Variants in TRIM44 observed in about 807,000 individuals in gnomAD.
TRIM44 encodes the protein tripartite motif-containing protein 44.
In TRIM44, 13 loss-of-function variants were observed where a neutral mutation model predicts 37.4. The ratio of observed to expected loss-of-function variants is 0.35; its 90% CI spans 0.23 to 0.55. The LOEUF is 0.55. Ranked by LOEUF, TRIM44 falls within the 20% of genes least tolerant of loss-of-function variation. The probability of loss-of-function intolerance (pLI) is 0.89; values close to 1 mark genes in which losing one functional copy is unlikely to be tolerated. For missense variants in TRIM44, 426 were observed against 437.2 expected (o/e 0.97, Z 0.23); for synonymous variants, 175 against 157.2 (o/e 1.11, Z -0.85).
At chr11:35,776,690 T>A (rs1400190939) in intron 4 of TRIM44, among the ~76,000 whole-genome samples, 1 of 152,228 alleles carries the variant, frequency 6.6e-6, no homozygotes, top group Non-Finnish European at 1.5e-5. Flanking sequence ...AAGAACAGCT[T>A]TCTGCCTTCA....
In TRIM44 at chr11:35,665,690, G is replaced by A. The variant is rs569233088; in HGVS notation, c.669+1910G>A. Among the ~76,000 whole-genome samples the A allele has an allele frequency of 3.8e-4, 55 of 144,552 alleles. 1 individual carries two copies. The highest frequency in any genetic ancestry group is 1.4e-3 in the African/African-American group (54 of 38,848). 94.8% of individuals were successfully genotyped at this position (144,552 alleles called of 152,430 possible). On this transcript the variant is annotated intron_variant, in intron 1 of 4. Transcript: ENST00000299413. ...GCTCACTGGAACCTGCGCCTCCCAG[G>A]TTCAAACGATTCTCCTGCCTCAGCC...
At position 35,662,884 on chromosome 11, in the gene TRIM44, G is replaced by A. The variant is rs1851285036; in HGVS notation, c.-228G>A. 1 of 605,988 alleles carries A rather than the reference G, an allele frequency of 1.7e-6. No homozygotes were observed. The highest frequency in any genetic ancestry group is 4.6e-5 in the Admixed American group (1 of 21,698). The allele number at this position is 605,988 out of a possible 1,614,324, so 37.5% of individuals were successfully genotyped here. A position where few individuals can be genotyped will look rare whatever the true frequency, so the allele number is the denominator to read the frequency against. On this transcript the variant is annotated 5_prime_UTR_variant, in exon 1 of 5. Transcript: ENST00000299413. ...GCCGGAAGTGCCTTGCGCGGCAGAG[G>A]AAGCGCAGGGACAGAGCGGAGCAGG...
rs958591453 is a variant in TRIM44, at chr11:35,806,564, TG to T, written c.*180del. On this transcript the variant is annotated 3_prime_UTR_variant, in exon 5 of 5. Coordinates refer to ENST00000299413, the MANE Select transcript of TRIM44 (RefSeq NM_017583.6). ...AAGGGATGACCAGTTTTATGCTTAC[TG>T]TGTGCTTCTCATCCCCTGGTTGTGG... 155 of 634,894 alleles carry T rather than the reference TG, an allele frequency of 2.4e-4. No individual in the cohort carries two copies. The highest frequency in any genetic ancestry group is 1.4e-3 in the Admixed American group (47 of 33,062). 39.3% of individuals were successfully genotyped at this position (634,894 alleles called of 1,614,324 possible).
chr11:35,709,132 C>G (rs1851933450), intron 2 of TRIM44, among the ~76,000 whole-genome samples: 1 of 152,084 alleles, frequency 6.6e-6, no homozygotes. Context: ...AGTAACTAAG[C>G]TGAAAGATTA....
intron 4 of TRIM44, among the ~76,000 whole-genome samples, chr11:35,766,985 T>C (rs183786105): frequency 6.6e-5 from 10 of 152,328 alleles, no homozygotes; most frequent in African/African-American, 1.4e-4. Flanking sequence ...TACTAAGGAA[T>C]AGATTCTCTG....
At chr11:35,764,307 T>C (rs990282025) in intron 4 of TRIM44, among the ~76,000 whole-genome samples, 2 of 152,204 alleles carry the variant, frequency 1.3e-5, no homozygotes, top group Non-Finnish European at 2.9e-5. Context: ...CTGCTCACCA[T>C]TACAGTAAGC....
intron 2 of TRIM44, among the ~76,000 whole-genome samples, chr11:35,695,128 G>A (rs960013332): frequency 3.3e-5 from 5 of 152,038 alleles, no homozygotes; most frequent in Non-Finnish European, 5.9e-5. Context: ...AACTATTTTA[G>A]CAATTTGTAA....
At chr11:35,757,575 T>C (rs554975886) in intron 4 of TRIM44, among the ~76,000 whole-genome samples, 1 of 152,364 alleles carries the variant, frequency 6.6e-6, no homozygotes, top group East Asian at 1.9e-4. Flanking sequence ...TCTCTAGTTC[T>C]TTTAATTGTG....
intron 2 of TRIM44, among the ~76,000 whole-genome samples, chr11:35,704,336 G>T (rs2135503008): frequency 6.6e-6 from 1 of 152,316 alleles, no homozygotes; most frequent in East Asian, 1.9e-4. Flanking sequence ...AAAACACTCT[G>T]CAGGATATTA....
intron 1 of TRIM44, among the ~76,000 whole-genome samples, chr11:35,683,194 G>A (rs1230107730): frequency 6.6e-6 from 1 of 152,106 alleles, no homozygotes; most frequent in Non-Finnish European, 1.5e-5. Flanking sequence ...TTTGTCAACT[G>A]TCTGCTATGA....
intron 2 of TRIM44, among the ~76,000 whole-genome samples, chr11:35,709,895 C>G (rs1024217866): frequency 3.9e-5 from 6 of 152,080 alleles, no homozygotes; most frequent in Non-Finnish European, 8.8e-5. Context: ...TCGGGCAGCC[C>G]CCAGAATCAC....
At chr11:35,716,342 GT>G (rs1852039448) in intron 2 of TRIM44, among the ~76,000 whole-genome samples, 1 of 151,092 alleles carries the variant, frequency 6.6e-6, no homozygotes, top group Non-Finnish European at 1.5e-5. Flanking sequence ...TTTGAATTTT[GT>G]TTTAGCAAAT....
In TRIM44 at chr11:35,816,393, A is replaced by C. The variant is rs1261708807; in HGVS notation, c.*10008A>C. On this transcript the variant is annotated 3_prime_UTR_variant, in exon 5 of 5. Coordinates refer to ENST00000299413, the MANE Select transcript of TRIM44 (RefSeq NM_017583.6). ...AAGAGTATTTAGATCCCCCCTGGGA[A>C]GGAACAGAATGGAAAAACAATCTCC... 6.6e-6 allele frequency: 1 copy of C among 152,246 alleles called. No homozygotes were observed. The highest frequency in any genetic ancestry group is 1.5e-5 in the Non-Finnish European group (1 of 68,052). The allele number at this position is 152,246 out of a possible 1,614,324, so 9.4% of individuals were successfully genotyped here.
chr11:35,709,735 T>A (rs1212099151), intron 2 of TRIM44, among the ~76,000 whole-genome samples: 1 of 152,174 alleles, frequency 6.6e-6, no homozygotes, highest in Non-Finnish European at 1.5e-5. Context: ...CACAAGTGGA[T>A]CCTGTGGGCA....
At chr11:35,715,792 C>T (rs1385260020) in intron 2 of TRIM44, among the ~76,000 whole-genome samples, 1 of 152,046 alleles carries the variant, frequency 6.6e-6, no homozygotes, top group Non-Finnish European at 1.5e-5. Context: ...AGAAAACTTA[C>T]AGTCATTGTG....
intron 4 of TRIM44, among the ~76,000 whole-genome samples, chr11:35,796,706 G>T (rs1245554507): frequency 6.6e-6 from 1 of 152,182 alleles, no homozygotes; most frequent in African/African-American, 2.4e-5. Context: ...GCACTGGGGG[G>T]AGGAAAGGGA....
Position 35,674,298 on chromosome 11 carries a change from T to A in TRIM44, c.669+10518T>A, listed in dbSNP as rs933862352. 4.6e-5 allele frequency among the ~76,000 whole-genome samples: 7 copies of A among 151,946 alleles called. No homozygotes were observed. In the East Asian group the frequency reaches 1.2e-3, roughly 25 times the overall value. ...TGCGTGTATGTATATATCGCTATGA[T>A]AGGATCAAGTCAACATTGCATCAGG... On this transcript the variant is annotated intron_variant, in intron 1 of 4. Coordinates refer to ENST00000299413, the MANE Select transcript of TRIM44 (RefSeq NM_017583.6).
intron 2 of TRIM44, chr11:35,724,347 G>A (rs1440236763): frequency 6.6e-6 from 1 of 152,132 alleles, no homozygotes; most frequent in Non-Finnish European, 1.5e-5. Flanking sequence ...CAAGAAGATT[G>A]GAGTCTTTCC....
intron 4 of TRIM44, among the ~76,000 whole-genome samples, chr11:35,789,377 G>A (rs970038018): frequency 6.6e-6 from 1 of 152,216 alleles, no homozygotes; most frequent in Admixed American, 6.5e-5. Context: ...TGTCATGAAA[G>A]TTTAGTATGT....
Sources: gnomAD v4.1 joint callset for allele counts (sites outside exome capture counted in the v4.1 genomes callset) on GRCh38, gnomAD v4.1.1 for gene constraint, MANE v1.5 for transcripts, NCBI Gene and HGNC (gene_info 2026-07-23, HGNC 2026-07-21) for gene names.